Variants in KIF26A observed in about 807,000 individuals in gnomAD.
KIF26A encodes the protein kinesin family member 26A.
KIF26A carries 74 observed loss-of-function variants against 126.0 expected under a neutral mutation model. The ratio of observed to expected loss-of-function variants is 0.59; its 90% CI spans 0.49 to 0.71. KIF26A has a LOEUF of 0.71. Among genes scored for constraint, KIF26A ranks in the 30% least tolerant of loss-of-function variants. The pLI, the probability that KIF26A is intolerant of heterozygous loss-of-function variation, is 0.00. For synonymous variants in KIF26A, 1,445 were observed against 1,232.7 expected (o/e 1.17, Z -3.61); for missense variants, 2,984 against 2,763.3 (o/e 1.08, Z -1.79).
chr14:104,150,277 G>T (rs940027763), intron 2 of KIF26A, among the ~76,000 whole-genome samples: 1 of 147,066 alleles, frequency 6.8e-6, no homozygotes, highest in Non-Finnish European at 1.5e-5. Flanking sequence ...GCGAATCTCC[G>T]AAGCAGCAGG....
At chr14:104,178,528 T>C (rs2038061936) in intron 12 of KIF26A, 22 bp from the exon 13 acceptor site, 2 of 1,432,924 alleles carry the variant, frequency 1.4e-6, no homozygotes, top group Non-Finnish European at 1.8e-6. Context: ...CTGTTCACCC[T>C]GTGCCCGGCT....
chr14:104,139,625 C>A (rs1395535256), intron 2 of KIF26A, among the ~76,000 whole-genome samples: 1 of 152,196 alleles, frequency 6.6e-6, no homozygotes, highest in African/African-American at 2.4e-5. Context: ...CAGGGCGGGA[C>A]AGCTCCAGCC....
chr14:104,179,530 G>C, intron 14 of KIF26A, 79 bp from the exon 15 acceptor site: 1 of 1,436,494 alleles, frequency 7.0e-7, no homozygotes, highest in Non-Finnish European at 9.2e-7. Context: ...TGCCTTTCCT[G>C]GGGCCTCTGG....
At chr14:104,165,072 TATGC>T (rs1217027388) in intron 4 of KIF26A, among the ~76,000 whole-genome samples, 1 of 152,000 alleles carries the variant, frequency 6.6e-6, no homozygotes, top group African/African-American at 2.4e-5. Context: ...TGTGTTTCTG[TATGC>T]ATGTGTGTGT....
Position 104,167,003 on chromosome 14 carries a change from C to G in KIF26A, c.1068C>G (p.Leu356=). ...CGCCCCCGGCGCCCCCCTGCCTGCT[C>G]AGGGCCGCCTCCAAGACCAAGGACA... The part of the protein sequence containing the change: ...LWPPPAPPCL[L]RAASKTKDNP... The change falls in exon 5 of 15, where the codon CTC becomes CTG. Residue 356 remains leucine, a synonymous_variant. Coordinates refer to ENST00000423312, the MANE Select transcript of KIF26A (RefSeq NM_015656.2). 6.3e-7 allele frequency: 1 copy of G among 1,582,106 alleles called. No individual in the cohort carries two copies.
chr14:104,149,871 C>T (rs887074724), intron 2 of KIF26A, among the ~76,000 whole-genome samples: 1 of 152,210 alleles, frequency 6.6e-6, no homozygotes, highest in African/African-American at 2.4e-5. Flanking sequence ...GCCGGGCTGC[C>T]TGTCAGGTTG....
Position 104,157,873 on chromosome 14 carries a change from T to A in KIF26A, c.854T>A (p.Leu285Gln), listed in dbSNP as rs755389591. Residue 285 changes from leucine (L) to glutamine (Q), a missense_variant, in exon 4 of 15, where the codon CTG becomes CAG. Coordinates refer to ENST00000423312, the MANE Select transcript of KIF26A (RefSeq NM_015656.2). ...CGTGGTGGAGTCTGCACGTCAGCCCTGGTCACCCCCACCCCGGGCTCGGTG... is the reference window on the plus strand; with the variant it reads ...CGTGGTGGAGTCTGCACGTCAGCCCAGGTCACCCCCACCCCGGGCTCGGTG... ...WGRGGVCTSA[L>Q]VTPTPGSVGG... is the part of the protein sequence containing the mutation. 1.9e-6 allele frequency: 3 copies of A among 1,597,288 alleles called. No homozygotes were observed. In the African/African-American group the frequency reaches 4.0e-5, roughly 22 times the overall value.
intron 2 of KIF26A, among the ~76,000 whole-genome samples, chr14:104,149,956 A>G (rs983599945): frequency 1.3e-5 from 2 of 152,166 alleles, no homozygotes; most frequent in Non-Finnish European, 1.5e-5. Context: ...TGCTGAGTGG[A>G]AAATCAGCAT....
rs1014606284 is a variant in KIF26A at position 104,166,961 on chromosome 14, G to A, written c.1026G>A (p.Gly342=). 17 of 1,590,820 alleles carry A rather than the reference G, an allele frequency of 1.1e-5. No individual in the cohort carries two copies. Among genetic ancestry groups the A allele is most frequent in the Middle Eastern group, 1.7e-4 (1 of 5,994 alleles). The change falls in exon 5 of 15, where the codon GGG becomes GGA. Residue 342 remains glycine, a synonymous_variant. Transcript: ENST00000423312. ...CCACCTACCCCACCGACTTCAGCGG[G>A]GTCCTGCAGCTGTGGCCGCCCCCGG... ...GTSTYPTDFS[G]VLQLWPPPAP... is the part of the protein sequence containing the mutation.
intron 2 of KIF26A, among the ~76,000 whole-genome samples, chr14:104,142,284 G>A (rs980207293): frequency 1.3e-5 from 2 of 152,140 alleles, no homozygotes; most frequent in Admixed American, 6.5e-5. Context: ...GGCCCTGGGT[G>A]TGGAGGGGAA....
chr14:104,177,202 C>A lies in KIF26A; in HGVS notation c.4414C>A (p.Pro1472Thr), dbSNP rs1299985061. The change falls in exon 12 of 15, where the codon CCC becomes ACC. Residue 1472 changes from proline to threonine, a missense_variant. By Grantham distance (38) the Pro-to-Thr change is conservative. Transcript: ENST00000423312. ...VPKLGVPPSS[P>T]THGPAPACRS... ...CAAGCTGGGTGTGCCACCCTCCAGC[C>A]CCACACACGGTCCAGCTCCCGCCTG... is the stretch of plus-strand genomic sequence containing the variant. 2 of 1,596,016 alleles carry A rather than the reference C, an allele frequency of 1.3e-6. No individual in the cohort carries two copies. The highest frequency in any genetic ancestry group is 3.3e-5 in the Admixed American group (2 of 59,728).
chr14:104,168,991 C>T (rs1161556149), intron 5 of KIF26A, among the ~76,000 whole-genome samples: 1 of 152,226 alleles, frequency 6.6e-6, no homozygotes, highest in African/African-American at 2.4e-5. Context: ...GTGTGCCCGG[C>T]ACGGGCTGTT....
intron 5 of KIF26A, among the ~76,000 whole-genome samples, 186 bp from the exon 6 acceptor site, chr14:104,171,537 C>T (rs2037956726): frequency 6.6e-6 from 1 of 152,260 alleles, no homozygotes; most frequent in South Asian, 2.1e-4. Flanking sequence ...CTTCTCCCTG[C>T]TCTGCTGACC....
chr14:104,160,543 G>A (rs2037823666), intron 4 of KIF26A, among the ~76,000 whole-genome samples: 1 of 152,230 alleles, frequency 6.6e-6, no homozygotes, highest in African/African-American at 2.4e-5. Context: ...AGGGATTGAG[G>A]CAGCGCAGCT....
chr14:104,168,502 C>T (rs1252890958), intron 5 of KIF26A, among the ~76,000 whole-genome samples: 2 of 152,144 alleles, frequency 1.3e-5, no homozygotes, highest in Non-Finnish European at 2.9e-5. Context: ...ACAGCTCTTA[C>T]CATCTTCATA....
At position 104,175,812 on chromosome 14, in the gene KIF26A, T is replaced by C. The variant is rs1348203596; in HGVS notation, c.3024T>C (p.Cys1008=). The change falls in exon 12 of 15, where the codon TGT becomes TGC. Residue 1008 remains cysteine, a synonymous_variant. Coordinates refer to ENST00000423312, the MANE Select transcript of KIF26A (RefSeq NM_015656.2). Reference sequence around the variant, plus strand: ...CCCGCCTGGCTGCTGGCAGTCGCTGTCCGGAGCGGGGCCTGCTCACCACCA... The same window carrying C: ...CCCGCCTGGCTGCTGGCAGTCGCTGCCCGGAGCGGGGCCTGCTCACCACCA... ...TCPRLAAGSR[C]PERGLLTTTV... is the part of the protein sequence containing the mutation. The C allele has an allele frequency of 1.3e-6, 2 of 1,538,960 alleles. No individual in the cohort carries two copies.
intron 4 of KIF26A, among the ~76,000 whole-genome samples, chr14:104,166,318 A>G (rs1214999742): frequency 2.0e-5 from 3 of 152,074 alleles, no homozygotes; most frequent in South Asian, 2.1e-4. Context: ...CCCTTCCTGT[A>G]TGTGGTCACT....
At chr14:104,168,854 G>C (rs1374487751) in intron 5 of KIF26A, among the ~76,000 whole-genome samples, 1 of 152,126 alleles carries the variant, frequency 6.6e-6, no homozygotes, top group African/African-American at 2.4e-5. Context: ...CCTGCCTGGG[G>C]TGAGGCGGGG....
intron 4 of KIF26A, among the ~76,000 whole-genome samples, chr14:104,164,253 G>A (rs2037859599): frequency 6.6e-6 from 1 of 152,106 alleles, no homozygotes; most frequent in Non-Finnish European, 1.5e-5. Context: ...GAGGGCTGTG[G>A]GGGGGGCGTG....
Sources: gnomAD v4.1 joint callset for allele counts (sites outside exome capture counted in the v4.1 genomes callset) on GRCh38, gnomAD v4.1.1 for gene constraint, MANE v1.5 for transcripts, NCBI Gene and HGNC (gene_info 2026-07-23, HGNC 2026-07-21) for gene names.